The following KCNIP4 variants were observed in gnomAD, a reference collection of about 807,000 sequenced individuals.
The protein encoded by KCNIP4 is potassium voltage-gated channel interacting protein 4, also known as Kv channel-interacting protein 4.
KCNIP4 carries 12 observed loss-of-function variants against 34.0 expected under a neutral mutation model. The ratio of observed to expected loss-of-function variants is 0.35; its 90% CI spans 0.23 to 0.57. The LOEUF is 0.57. Among genes scored for constraint, KCNIP4 ranks in the 20% least tolerant of loss-of-function variants. KCNIP4 has a pLI of 0.83. For synonymous variants in KCNIP4, 124 were observed against 102.2 expected (o/e 1.21, Z -1.29); for missense variants, 238 against 311.7 (o/e 0.76, Z 1.78).
chr4:21,006,830 C>T (rs560076810), intron 1 of KCNIP4, among the ~76,000 whole-genome samples: 22 of 152,142 alleles, frequency 1.4e-4, no homozygotes, highest in Non-Finnish European at 2.9e-4. Flanking sequence ...ATTGTCATGG[C>T]GGACCTAACT....
At chr4:21,011,301 A>G (rs1298633858) in intron 1 of KCNIP4, among the ~76,000 whole-genome samples, 2 of 152,190 alleles carry the variant, frequency 1.3e-5, no homozygotes, top group Non-Finnish European at 2.9e-5. Context: ...CTGACTCAAG[A>G]TTTCATACAA....
At chr4:21,851,202 A>T (rs930487534) in intron 1 of KCNIP4, 1 of 152,146 alleles carries the variant, frequency 6.6e-6, no homozygotes, top group Admixed American at 6.5e-5. Flanking sequence ...AGAGGGGTTA[A>T]GCTAGGGTTG....
intron 1 of KCNIP4, among the ~76,000 whole-genome samples, chr4:21,937,750 G>C (rs939397821): frequency 6.6e-6 from 1 of 151,950 alleles, no homozygotes; most frequent in Non-Finnish European, 1.5e-5. Flanking sequence ...AGTTGCTCTT[G>C]TCTTCTATTT....
chr4:21,207,383 T>C (rs1756922196), intron 1 of KCNIP4, among the ~76,000 whole-genome samples: 1 of 152,184 alleles, frequency 6.6e-6, no homozygotes, highest in Non-Finnish European at 1.5e-5. Flanking sequence ...TTTATGTAGG[T>C]GATGGGATTA....
chr4:21,273,659 T>A (rs1408198715), intron 1 of KCNIP4, among the ~76,000 whole-genome samples: 3 of 152,210 alleles, frequency 2.0e-5, no homozygotes, highest in Non-Finnish European at 4.4e-5. Context: ...TGTAATATCC[T>A]TATCTCTCCA....
chr4:21,691,689 CTCTTT>C (rs1387769743), intron 1 of KCNIP4, among the ~76,000 whole-genome samples: 33 of 105,098 alleles, frequency 3.1e-4, no homozygotes, highest in Non-Finnish European at 3.4e-4. Context: ...GCAAACGCAG[CTCTTT>C]TTTTTTTTTT....
chr4:21,442,852 T>C (rs1233626327), intron 1 of KCNIP4, among the ~76,000 whole-genome samples: 1 of 152,166 alleles, frequency 6.6e-6, no homozygotes, highest in Non-Finnish European at 1.5e-5. Context: ...ACAGCTAAGG[T>C]TCATATTCAA....
chr4:20,758,777 T>A (rs747545934), intron 4 of KCNIP4, 44 bp downstream of exon 4: 3 of 1,464,388 alleles, frequency 2.0e-6, no homozygotes, highest in Non-Finnish European at 2.9e-6. Flanking sequence ...GCAAGCATAA[T>A]TGTAACTCTG....
At chr4:21,873,830 C>G (rs996052644) in intron 1 of KCNIP4, among the ~76,000 whole-genome samples, 6 of 152,166 alleles carry the variant, frequency 3.9e-5, no homozygotes, top group African/African-American at 1.2e-4. Context: ...GTGAAAGATT[C>G]AGCAGGCTTC....
At chr4:21,101,338 T>C (rs1298184766) in intron 1 of KCNIP4, among the ~76,000 whole-genome samples, 1 of 152,098 alleles carries the variant, frequency 6.6e-6, no homozygotes, top group Non-Finnish European at 1.5e-5. Context: ...ATAAATTTTA[T>C]ATATATATCA....
In KCNIP4 at chr4:20,988,000, C is replaced by CAAAAAAAAAAAAAAAAAAAAAAAA. The variant is rs36044149; in HGVS notation, c.62-105292_62-105291insTTTTTTTTTTTTTTTTTTTTTTTT. ...TGGGCGACACGGCGAGATTCCATCT[C>CAAAAAAAAAAAAAAAAAAAAAAAA]AAAAAAAAAAAAAAAAAAAAAATTA... On this transcript the variant is annotated intron_variant, in intron 1 of 8. Coordinates refer to ENST00000382152, the MANE Select transcript of KCNIP4 (RefSeq NM_025221.6). Among the ~76,000 whole-genome samples the CAAAAAAAAAAAAAAAAAAAAAAAA allele has an allele frequency of 1.2e-3, 55 of 46,304 alleles. 2 individuals are homozygous for CAAAAAAAAAAAAAAAAAAAAAAAA. The highest frequency in any genetic ancestry group is 1.4e-3 in the Non-Finnish European group (36 of 24,970). 30.4% of individuals were successfully genotyped at this position (46,304 alleles called of 152,430 possible).
chr4:20,838,494 C>T (rs188273211), intron 3 of KCNIP4, among the ~76,000 whole-genome samples: 170 of 152,292 alleles, frequency 1.1e-3, no homozygotes, highest in African/African-American at 3.9e-3. Flanking sequence ...CCAGAAACTA[C>T]ATTTCCCATC....
At chr4:21,401,220 T>C (rs1723530118) in intron 1 of KCNIP4, among the ~76,000 whole-genome samples, 1 of 152,208 alleles carries the variant, frequency 6.6e-6, no homozygotes, top group Non-Finnish European at 1.5e-5. Context: ...ATGTCCTGAT[T>C]TTGTTCTCTA....
At chr4:21,238,802 C>A (rs1278330338) in intron 1 of KCNIP4, among the ~76,000 whole-genome samples, 1 of 152,136 alleles carries the variant, frequency 6.6e-6, no homozygotes, top group East Asian at 1.9e-4. Flanking sequence ...GGCTATACTG[C>A]CCAAGGTAAT....
intron 1 of KCNIP4, among the ~76,000 whole-genome samples, chr4:21,038,233 C>CTA (rs201090667): frequency 0.025 from 3,769 of 152,300 alleles, 149 homozygotes; most frequent in African/African-American, 0.085. Flanking sequence ...CCTCAGCCTC[C>CTA]TAAAGTGCTG....
chr4:20,881,778 T>C (rs1724714661), intron 2 of KCNIP4, among the ~76,000 whole-genome samples: 1 of 152,214 alleles, frequency 6.6e-6, no homozygotes, highest in Non-Finnish European at 1.5e-5. Flanking sequence ...ATTTTGTCGA[T>C]GTGCTTAACA....
chr4:20,981,022 T>C (rs1736015436), intron 1 of KCNIP4, among the ~76,000 whole-genome samples: 1 of 152,220 alleles, frequency 6.6e-6, no homozygotes, highest in South Asian at 2.1e-4. Flanking sequence ...ACTTGACTAC[T>C]GATCAAAAAG....
At chr4:21,836,144 G>A (rs1056195162) in intron 1 of KCNIP4, among the ~76,000 whole-genome samples, 2 of 152,204 alleles carry the variant, frequency 1.3e-5, no homozygotes, top group African/African-American at 2.4e-5. Flanking sequence ...CAGCTGGGAA[G>A]TGGGTGCATT....
intron 1 of KCNIP4, among the ~76,000 whole-genome samples, chr4:21,222,456 T>G (rs568030151): frequency 8.5e-5 from 13 of 152,172 alleles, no homozygotes; most frequent in Non-Finnish European, 1.5e-4. Context: ...CCTCACCCTA[T>G]TTATAAAATT....
Sources: gnomAD v4.1 joint callset for allele counts (sites outside exome capture counted in the v4.1 genomes callset) on GRCh38, gnomAD v4.1.1 for gene constraint, MANE v1.5 for transcripts, NCBI Gene and HGNC (gene_info 2026-07-23, HGNC 2026-07-21) for gene names.